Variants in SLC35D1 observed in about 807,000 individuals in gnomAD.
The protein encoded by SLC35D1 is solute carrier family 35 member D1, also known as nucleotide sugar transporter SLC35D1.
In SLC35D1, 31 loss-of-function variants were observed where a neutral mutation model predicts 46.7. The observed-to-expected ratio is 0.66, with a 90% confidence interval of 0.50 to 0.90. SLC35D1 has a LOEUF of 0.90. Ranked by LOEUF, SLC35D1 falls within the 40% of genes least tolerant of loss-of-function variation. The pLI, the probability that SLC35D1 is intolerant of heterozygous loss-of-function variation, is 0.00. For missense variants in SLC35D1, 397 were observed against 426.2 expected, an observed-to-expected ratio of 0.93 and a Z score of 0.60; for synonymous variants, 195 against 164.6, an observed-to-expected ratio of 1.18 and a Z score of -1.41.
the SLC35D1 span, among the ~76,000 whole-genome samples, chr1:66,975,912 C>T: frequency 3.3e-5 from 5 of 152,080 alleles, no homozygotes; most frequent in South Asian, 4.1e-4. Flanking sequence ...CCTAGGTACC[C>T]GTACTCTGTG....
intron 8 of SLC35D1, 25 bp downstream of exon 8, chr1:67,042,211 T>C: frequency 6.3e-7 from 1 of 1,586,594 alleles, no homozygotes; most frequent in Non-Finnish European, 8.7e-7. Context: ...ACGTAAGCCA[T>C]TAAACCGTAA....
intron 10 of SLC35D1, among the ~76,000 whole-genome samples, chr1:67,013,581 T>A (rs1467260126): frequency 6.6e-6 from 1 of 152,056 alleles, no homozygotes; most frequent in Non-Finnish European, 1.5e-5. Context: ...CATTTACTCT[T>A]ATTTCTTCCT....
At chr1:66,977,089 A>G in the SLC35D1 span, among the ~76,000 whole-genome samples, 3 of 152,064 alleles carry the variant, frequency 2.0e-5, no homozygotes, top group African/African-American at 7.2e-5. Flanking sequence ...TCCATTCAGT[A>G]TAAGCACATA....
chr1:67,050,660 AT>A (rs1284419578), intron 4 of SLC35D1, among the ~76,000 whole-genome samples, 156 bp from the exon 5 acceptor site: 1 of 152,240 alleles, frequency 6.6e-6, no homozygotes, highest in Non-Finnish European at 1.5e-5. Flanking sequence ...TCTAGAAGCA[AT>A]TCCTACTTGA....
intron 11 of SLC35D1, among the ~76,000 whole-genome samples, chr1:67,005,596 T>C (rs966256511): frequency 6.6e-6 from 1 of 152,214 alleles, no homozygotes; most frequent in Admixed American, 6.5e-5. Context: ...TATTAAAGTC[T>C]ACTTGTCAAG....
intron 4 of SLC35D1, 86 bp from the exon 5 acceptor site, chr1:67,050,590 G>A (rs1457753687): frequency 9.7e-7 from 1 of 1,034,716 alleles, no homozygotes; most frequent in African/African-American, 1.6e-5. Context: ...TTAAAATAAT[G>A]CTATTCTTCC....
In SLC35D1 at chr1:67,009,121, A is replaced by G; in HGVS notation, c.923T>C (p.Ile308Thr). The G allele has an allele frequency of 1.3e-6, 2 of 1,514,644 alleles. No homozygotes were observed. The highest frequency in any genetic ancestry group is 1.8e-6 in the Non-Finnish European group (2 of 1,093,078). The allele number at this position is 1,514,644 out of a possible 1,614,324, so 93.8% of individuals were successfully genotyped here. Residue 308 changes from isoleucine to threonine, a missense_variant, in exon 11 of 12, where the codon ATT becomes ACT. Ile to Thr is a moderately conservative substitution (Grantham distance 89). Coordinates refer to ENST00000235345, the MANE Select transcript of SLC35D1 (RefSeq NM_015139.3). ...YIGMVFGGDY[I>T]FTWTNFIGLN... ...ACCAATGAAGTTTGTCCACGTGAAA[A>G]TATAATCTCCACCAAAGACCATTCC...
At chr1:67,045,501 A>C (rs1255929700) in intron 7 of SLC35D1, among the ~76,000 whole-genome samples, 1 of 152,178 alleles carries the variant, frequency 6.6e-6, no homozygotes, top group African/African-American at 2.4e-5. Flanking sequence ...CTGCCTCTAA[A>C]TAGAATTCTA....
the SLC35D1 span, among the ~76,000 whole-genome samples, chr1:66,979,707 CTA>C: frequency 6.6e-6 from 1 of 151,528 alleles, no homozygotes; most frequent in African/African-American, 2.4e-5. Flanking sequence ...AGAATTATGA[CTA>C]TATCCAGAAA....
chr1:67,004,200 A>C lies in SLC35D1; in HGVS notation c.*140T>G. 2 of 729,478 alleles carry C rather than the reference A, an allele frequency of 2.7e-6. No individual in the cohort carries two copies. Among genetic ancestry groups the C allele is most frequent in the South Asian group, 3.0e-5 (2 of 66,330 alleles). The allele number at this position is 729,478 out of a possible 1,614,324, so 45.2% of individuals were successfully genotyped here. ...CTTCATAAAATTTTAAAAGGCAGCA[A>C]TCAATCCTCAGATTGTACAAGTGCA... On this transcript the variant is annotated 3_prime_UTR_variant, in exon 12 of 12. Transcript: ENST00000235345.
intron 8 of SLC35D1, among the ~76,000 whole-genome samples, chr1:67,026,700 T>C (rs930501336): frequency 6.6e-6 from 1 of 152,192 alleles, no homozygotes; most frequent in African/African-American, 2.4e-5. Context: ...CAGACCTATT[T>C]AATTACTGTA....
intron 8 of SLC35D1, among the ~76,000 whole-genome samples, chr1:67,038,815 G>A (rs1668176769): frequency 7.1e-6 from 1 of 141,444 alleles, no homozygotes; most frequent in Non-Finnish European, 1.5e-5. Context: ...GAGAACCTTG[G>A]ATAAACTTTA....
chr1:67,052,034 G>A lies in SLC35D1; in HGVS notation c.370C>T (p.Leu124=). 6.2e-7 allele frequency: 1 copy of A among 1,610,150 alleles called. No individual in the cohort carries two copies. Among genetic ancestry groups the A allele is most frequent in the Non-Finnish European group, 8.5e-7 (1 of 1,176,550 alleles). The part of the protein sequence containing the change: ...LLYFGNQITG[L]FSTKKLNLPM... ...TACTTCAGTTTCTTTGTGCTGAACAGTCCCGTGATTTGGTTCCCAAAATAT... is the reference window on the plus strand; with the variant it reads ...TACTTCAGTTTCTTTGTGCTGAACAATCCCGTGATTTGGTTCCCAAAATAT... The change falls in exon 4 of 12, where the codon CTG becomes TTG. Residue 124 remains leucine (L), a synonymous_variant. Coordinates refer to ENST00000235345, the MANE Select transcript of SLC35D1 (RefSeq NM_015139.3).
At chr1:67,033,506 CTGTT>C (rs1668060015) in intron 8 of SLC35D1, among the ~76,000 whole-genome samples, 1 of 152,140 alleles carries the variant, frequency 6.6e-6, no homozygotes, top group South Asian at 2.1e-4. Context: ...TTGTATATGA[CTGTT>C]TGCCATCTGT....
chr1:67,049,717 G>A (rs1645287525), intron 6 of SLC35D1, 65 bp downstream of exon 6: 2 of 1,364,616 alleles, frequency 1.5e-6, no homozygotes, highest in Admixed American at 3.5e-5. Context: ...TTATTGATAA[G>A]CAATCATTTA....
At chr1:66,977,008 A>G in the SLC35D1 span, among the ~76,000 whole-genome samples, 1 of 152,216 alleles carries the variant, frequency 6.6e-6, no homozygotes, top group Non-Finnish European at 1.5e-5. Flanking sequence ...TTTAGAATGT[A>G]TATTTTTAAT....
chr1:67,029,901 A>ACG (rs1337542356), intron 8 of SLC35D1, among the ~76,000 whole-genome samples: 1 of 152,008 alleles, frequency 6.6e-6, no homozygotes, highest in Admixed American at 6.6e-5. Flanking sequence ...CCTGCGCCCC[A>ACG]CGCCCCAAGC....
At chr1:66,984,740 T>C in the SLC35D1 span, 1 of 1,614,020 alleles carries the variant, frequency 6.2e-7, no homozygotes, top group Non-Finnish European at 8.5e-7. Context: ...CTTGCCCATA[T>C]GACTGCAAGA....
the SLC35D1 span, among the ~76,000 whole-genome samples, chr1:66,980,332 A>T: frequency 2.0e-5 from 3 of 152,224 alleles, no homozygotes; most frequent in African/African-American, 7.2e-5. Context: ...AATTCCCTTC[A>T]TTTATAGATG....
Sources: allele counts gnomAD v4.1 joint callset (sites outside exome capture counted in the v4.1 genomes callset), GRCh38; gene constraint gnomAD v4.1.1; transcripts MANE v1.5; gene names NCBI Gene and HGNC (gene_info 2026-07-23, HGNC 2026-07-21).